Variants in PTPRD observed in about 807,000 individuals in gnomAD.
The protein encoded by PTPRD is protein tyrosine phosphatase receptor type D, also known as receptor-type tyrosine-protein phosphatase delta.
In PTPRD, 34 loss-of-function variants were observed where a neutral mutation model predicts 214.5. The ratio of observed to expected loss-of-function variants is 0.16; its 90% CI spans 0.12 to 0.21. PTPRD has a LOEUF of 0.21. Among genes scored for constraint, PTPRD ranks in the 10% least tolerant of loss-of-function variants. The pLI, the probability that PTPRD is intolerant of heterozygous loss-of-function variation, is 1.00. For missense variants in PTPRD, 2,545 were observed against 2,398.7 expected (o/e 1.06, Z -1.27); for synonymous variants, 1,128 against 845.7 (o/e 1.33, Z -5.79).
chr9:9,939,029 C>A (rs1301836048), intron 4 of PTPRD, among the ~76,000 whole-genome samples: 2 of 148,066 alleles, frequency 1.4e-5, no homozygotes, highest in African/African-American at 2.5e-5. Flanking sequence ...TTTTTTTTAA[C>A]CATGAAAAGG....
intron 7 of PTPRD, among the ~76,000 whole-genome samples, chr9:9,611,059 C>T (rs1421389901): frequency 1.3e-5 from 2 of 152,128 alleles, no homozygotes; most frequent in Non-Finnish European, 2.9e-5. Flanking sequence ...TCTCTTTTAA[C>T]ATCATATTGT....
intron 30 of PTPRD, 54 bp downstream of exon 30, chr9:8,484,065 G>A (rs2135747718): frequency 6.4e-7 from 1 of 1,561,336 alleles, no homozygotes; most frequent in East Asian, 2.3e-5. Context: ...GAGATATAAT[G>A]TTCCTATTTA....
chr9:9,026,198 G>T (rs1238395612), intron 10 of PTPRD, among the ~76,000 whole-genome samples: 2 of 151,922 alleles, frequency 1.3e-5, no homozygotes, highest in African/African-American at 4.8e-5. Flanking sequence ...CCACAAGGAA[G>T]GGGTAAAGAC....
At chr9:9,493,787 CA>C (rs750252052) in intron 8 of PTPRD, among the ~76,000 whole-genome samples, 2,653 of 54,546 alleles carry the variant, frequency 0.049, 22 homozygotes, top group African/African-American at 0.15. Context: ...GACTCCGTCT[CA>C]AAAAAAAAAA....
chr9:8,727,936 C>A (rs1177660629), intron 12 of PTPRD, among the ~76,000 whole-genome samples: 1 of 152,188 alleles, frequency 6.6e-6, no homozygotes, highest in Non-Finnish European at 1.5e-5. Flanking sequence ...TCAGTACCAA[C>A]ACTCTAATCT....
chr9:9,490,741 G>C lies in PTPRD; in HGVS notation c.-237+83991C>G, dbSNP rs150490248. Among the ~76,000 whole-genome samples, 586 of 151,750 alleles carry C rather than the reference G, an allele frequency of 3.9e-3. 1 individual carries two copies. Among genetic ancestry groups the C allele is most frequent in the African/African-American group, 0.013 (550 of 41,450 alleles). ...ATAAAATATAAATAAAAGTAAATGA[G>C]AAAAGAACTTAAACATTTCACTACA... On this transcript the variant is annotated intron_variant, in intron 8 of 45. Transcript: ENST00000381196.
chr9:9,246,961 C>T (rs2099973322), intron 9 of PTPRD, among the ~76,000 whole-genome samples: 1 of 150,480 alleles, frequency 6.6e-6, no homozygotes, highest in South Asian at 2.1e-4. Flanking sequence ...TCTCTCTGAC[C>T]TTCTCCTGCC....
At chr9:8,502,040 T>C (rs2097421544) in intron 23 of PTPRD, among the ~76,000 whole-genome samples, 1 of 152,200 alleles carries the variant, frequency 6.6e-6, no homozygotes. Flanking sequence ...TACATAATTA[T>C]TCATACAATG....
intron 10 of PTPRD, among the ~76,000 whole-genome samples, chr9:9,019,381 G>T (rs398433): frequency 1.3e-5 from 2 of 150,926 alleles, no homozygotes; most frequent in Admixed American, 1.3e-4. Flanking sequence ...TTAAAATTAG[G>T]CTGAGGGCTT....
intron 7 of PTPRD, among the ~76,000 whole-genome samples, chr9:9,652,350 A>G (rs1359449626): frequency 2.0e-5 from 3 of 152,164 alleles, no homozygotes; most frequent in African/African-American, 4.8e-5. Flanking sequence ...GAAACTTATC[A>G]TTGGCATTAA....
At chr9:10,080,428 T>C (rs918693039) in intron 3 of PTPRD, among the ~76,000 whole-genome samples, 12 of 152,118 alleles carry the variant, frequency 7.9e-5, no homozygotes, top group African/African-American at 2.2e-4. Context: ...ATTGCTACAC[T>C]GTAATCCAAT....
intron 2 of PTPRD, among the ~76,000 whole-genome samples, chr9:10,407,616 C>A (rs2098384884): frequency 6.6e-6 from 1 of 151,372 alleles, no homozygotes; most frequent in South Asian, 2.1e-4. Context: ...CCAGAAATTC[C>A]CAGTGATTTG....
chr9:10,400,786 T>C (rs1451643990), intron 2 of PTPRD, among the ~76,000 whole-genome samples: 1 of 151,640 alleles, frequency 6.6e-6, no homozygotes, highest in African/African-American at 2.4e-5. Flanking sequence ...AAATTATATA[T>C]TATTGTCCCT....
chr9:8,692,828 CAT>C (rs569450428), intron 12 of PTPRD, among the ~76,000 whole-genome samples: 2 of 152,168 alleles, frequency 1.3e-5, no homozygotes, highest in Admixed American at 6.5e-5. Flanking sequence ...CAGTTTTTAA[CAT>C]GTGTCAAGAG....
At chr9:9,651,240 T>A (rs1162513097) in intron 7 of PTPRD, among the ~76,000 whole-genome samples, 4 of 152,064 alleles carry the variant, frequency 2.6e-5, no homozygotes, top group Admixed American at 6.5e-5. Context: ...ACCAATAACA[T>A]CTTTTTTTTA....
At chr9:10,250,628 C>T (rs986997803) in intron 3 of PTPRD, among the ~76,000 whole-genome samples, 2 of 151,888 alleles carry the variant, frequency 1.3e-5, no homozygotes, top group Non-Finnish European at 2.9e-5. Context: ...ATTTTAGTTA[C>T]ACAGGAGAAA....
intron 11 of PTPRD, among the ~76,000 whole-genome samples, chr9:8,873,104 A>G (rs975228098): frequency 3.3e-5 from 5 of 152,182 alleles, no homozygotes; most frequent in African/African-American, 1.2e-4. Flanking sequence ...CTGTCTGCCT[A>G]ATGGAGCAGG....
intron 2 of PTPRD, among the ~76,000 whole-genome samples, chr9:10,588,048 T>C (rs1378180204): frequency 6.6e-6 from 1 of 152,056 alleles, no homozygotes; most frequent in East Asian, 1.9e-4. Context: ...GACAATGCTG[T>C]GTAAGTTCTA....
At chr9:8,934,936 C>G (rs2098986529) in intron 11 of PTPRD, among the ~76,000 whole-genome samples, 1 of 152,014 alleles carries the variant, frequency 6.6e-6, no homozygotes, top group African/African-American at 2.4e-5. Context: ...TCACACATGA[C>G]AGGATTTTCT....
Sources: gnomAD v4.1 joint callset for allele counts (sites outside exome capture counted in the v4.1 genomes callset) on GRCh38, gnomAD v4.1.1 for gene constraint, MANE v1.5 for transcripts, NCBI Gene and HGNC (gene_info 2026-07-23, HGNC 2026-07-21) for gene names.